Variants in ELMO1 observed in about 807,000 individuals in gnomAD.
The protein encoded by ELMO1 is engulfment and cell motility 1.
Under a neutral mutation model 98.9 loss-of-function variants are expected in ELMO1, and 26 were observed. The ratio of observed to expected loss-of-function variants is 0.26; its 90% CI spans 0.19 to 0.36. The LOEUF is 0.36. Ranked by LOEUF, ELMO1 falls within the 10% of genes least tolerant of loss-of-function variation. The pLI is 1.00. For synonymous variants in ELMO1, 346 were observed against 346.0 expected (o/e 1.00, Z 0.00); for missense variants, 627 against 935.2 (o/e 0.67, Z 4.30).
chr7:37,359,981 G>A (rs1190253623), intron 1 of ELMO1, among the ~76,000 whole-genome samples: 1 of 152,112 alleles, frequency 6.6e-6, no homozygotes, highest in African/African-American at 2.4e-5. Context: ...GATAGAAGCT[G>A]CAACTTGATA....
chr7:37,205,365 G>A (rs1026792846), intron 13 of ELMO1, among the ~76,000 whole-genome samples: 1 of 152,122 alleles, frequency 6.6e-6, no homozygotes, highest in African/African-American at 2.4e-5. Context: ...CTTCTTTTAT[G>A]TGTGTTTCTG....
chr7:36,860,023 C>G (rs999489709), intron 21 of ELMO1, among the ~76,000 whole-genome samples: 11 of 152,198 alleles, frequency 7.2e-5, no homozygotes, highest in African/African-American at 2.7e-4. Context: ...TCCTCTTCCA[C>G]TTAATGAATA....
intron 6 of ELMO1, among the ~76,000 whole-genome samples, chr7:37,250,417 A>G (rs1584871824): frequency 6.6e-6 from 1 of 152,242 alleles, no homozygotes; most frequent in East Asian, 1.9e-4. Context: ...TATTAAAAAT[A>G]GTCGTCTGTG....
chr7:37,432,316 C>G lies in ELMO1; in HGVS notation c.-74+16359G>C, dbSNP rs115837577. ...CTCAGCAACTGCCAAGTTCTCCACACTGGGGAAGCAAGGAGTTGTTTGGTT... is the reference window on the plus strand; with the variant it reads ...CTCAGCAACTGCCAAGTTCTCCACAGTGGGGAAGCAAGGAGTTGTTTGGTT... On this transcript the variant is annotated intron_variant, in intron 1 of 21. Transcript: ENST00000310758. Among the ~76,000 whole-genome samples, 1,167 of 152,324 alleles carry G rather than the reference C, an allele frequency of 7.7e-3. 11 individuals are homozygous for G. The highest frequency in any genetic ancestry group is 0.027 in the African/African-American group (1,105 of 41,570).
At chr7:37,087,596 G>C (rs1305468368) in intron 15 of ELMO1, among the ~76,000 whole-genome samples, 1 of 152,082 alleles carries the variant, frequency 6.6e-6, no homozygotes, top group Non-Finnish European at 1.5e-5. Context: ...GCACTGACCT[G>C]TTTCATATTT....
intron 15 of ELMO1, among the ~76,000 whole-genome samples, chr7:37,058,425 C>T (rs529592012): frequency 1.6e-4 from 24 of 152,322 alleles, no homozygotes; most frequent in Admixed American, 3.9e-4. Flanking sequence ...CAACCTCTCT[C>T]TCTCTTGCTC....
intron 20 of ELMO1, chr7:36,862,018 A>G (rs1802676906): frequency 7.3e-6 from 3 of 408,796 alleles, no homozygotes; most frequent in South Asian, 7.9e-5. Flanking sequence ...AGGCTCAATG[A>G]GTGTCCAAGG....
chr7:37,334,797 C>T (rs377349965), intron 2 of ELMO1, among the ~76,000 whole-genome samples: 1 of 152,144 alleles, frequency 6.6e-6, no homozygotes, highest in Non-Finnish European at 1.5e-5. Flanking sequence ...CTTAAATATG[C>T]TATAGAAATA....
intron 15 of ELMO1, among the ~76,000 whole-genome samples, chr7:37,049,287 A>G (rs1033756576): frequency 5.9e-5 from 9 of 152,212 alleles, no homozygotes; most frequent in Non-Finnish European, 1.2e-4. Flanking sequence ...CCTTTCCCCA[A>G]AGGGCCCCTG....
intron 16 of ELMO1, among the ~76,000 whole-genome samples, chr7:36,987,193 A>G (rs980497584): frequency 6.6e-5 from 10 of 151,960 alleles, no homozygotes; most frequent in Admixed American, 2.0e-4. Flanking sequence ...TCCTCAGCCC[A>G]TTTTCATCCC....
At chr7:36,875,299 TTTCAA>T (rs1258647227) in intron 19 of ELMO1, among the ~76,000 whole-genome samples, 1 of 152,120 alleles carries the variant, frequency 6.6e-6, no homozygotes, top group Non-Finnish European at 1.5e-5. Flanking sequence ...TATTGCTTCA[TTTCAA>T]TTCATTACAT....
chr7:37,296,816 T>G (rs189535615), intron 4 of ELMO1, among the ~76,000 whole-genome samples: 2 of 152,318 alleles, frequency 1.3e-5, no homozygotes, highest in African/African-American at 2.4e-5. Flanking sequence ...TCAACTCCTT[T>G]CTTATAATAA....
chr7:36,900,979 T>A (rs926080310), intron 16 of ELMO1, among the ~76,000 whole-genome samples: 13 of 152,160 alleles, frequency 8.5e-5, no homozygotes, highest in African/African-American at 3.1e-4. Context: ...GGAAGGATAA[T>A]TTCCCAGAGG....
intron 1 of ELMO1, among the ~76,000 whole-genome samples, chr7:37,426,257 G>A (rs1804705191): frequency 1.4e-5 from 2 of 144,756 alleles, no homozygotes; most frequent in Admixed American, 7.3e-5. Context: ...GGGCTCAAGC[G>A]ATTCTCCTGC....
At chr7:36,943,295 A>G (rs1440792191) in intron 16 of ELMO1, among the ~76,000 whole-genome samples, 2 of 152,168 alleles carry the variant, frequency 1.3e-5, no homozygotes, top group Non-Finnish European at 2.9e-5. Flanking sequence ...CTTTTCTTTT[A>G]TGCGTAAAAA....
intron 1 of ELMO1, among the ~76,000 whole-genome samples, chr7:37,377,848 C>A (rs1253319023): frequency 6.6e-6 from 1 of 152,080 alleles, no homozygotes; most frequent in Non-Finnish European, 1.5e-5. Flanking sequence ...CACAACAGGG[C>A]CTGCTATACT....
rs370409444 is a variant in ELMO1, at chr7:37,137,135, C to T, written c.1087-3901G>A. Among the ~76,000 whole-genome samples, 78 of 152,110 alleles carry T rather than the reference C, an allele frequency of 5.1e-4. 3 individuals are homozygous for T. The highest frequency in any genetic ancestry group is 3.7e-3 in the East Asian group (19 of 5,170). Reference sequence around the variant, plus strand: ...CAGGAGTAGCTATTCTTATATCAGACAAAACTAACTTTAAAGCAACAGCAG... The same window carrying T: ...CAGGAGTAGCTATTCTTATATCAGATAAAACTAACTTTAAAGCAACAGCAG... On this transcript the variant is annotated intron_variant, in intron 13 of 21. Transcript: ENST00000310758.
chr7:37,135,524 C>G (rs964178289), intron 13 of ELMO1, among the ~76,000 whole-genome samples: 2 of 152,202 alleles, frequency 1.3e-5, no homozygotes, highest in Admixed American at 6.5e-5. Context: ...TCAATGGCTG[C>G]AAGACCTGAA....
chr7:37,041,497 T>C (rs987655869), intron 15 of ELMO1, among the ~76,000 whole-genome samples: 4 of 152,204 alleles, frequency 2.6e-5, no homozygotes, highest in African/African-American at 7.2e-5. Flanking sequence ...GTGAGTGTTT[T>C]TGTATTTTTT....
Sources: gnomAD v4.1 joint callset for allele counts (sites outside exome capture counted in the v4.1 genomes callset) on GRCh38, gnomAD v4.1.1 for gene constraint, MANE v1.5 for transcripts, NCBI Gene and HGNC (gene_info 2026-07-23, HGNC 2026-07-21) for gene names.